Variants in PI4KA observed in about 807,000 individuals in gnomAD.
PI4KA encodes the protein PI4-kinase alpha.
In PI4KA, 122 loss-of-function variants were observed where a neutral mutation model predicts 271.4. The ratio of observed to expected loss-of-function variants is 0.45; its 90% CI spans 0.39 to 0.52. The LOEUF (loss-of-function observed/expected upper bound fraction) is 0.52, where lower values mean the gene tolerates loss of function less well. PI4KA is among the 20% of genes least tolerant of loss of function. PI4KA has a pLI of 0.00. For missense variants in PI4KA, 1,969 were observed against 2,769.1 expected (o/e 0.71, Z 6.48); for synonymous variants, 1,041 against 1,078.8 (o/e 0.96, Z 0.69).
At chr22:20,858,404 C>T (rs1189018341) in intron 1 of PI4KA, among the ~76,000 whole-genome samples, 166 bp downstream of exon 1, 1 of 152,066 alleles carries the variant, frequency 6.6e-6, no homozygotes, top group Non-Finnish European at 1.5e-5. Context: ...CAGCCCCTCC[C>T]ACTAGGGCCT....
Position 20,764,900 on chromosome 22 carries a change from AG to A in PI4KA, c.2624del (p.Pro875LeufsTer28), listed in dbSNP as rs747391554. On this transcript the variant is annotated frameshift_variant, in exon 22 of 55. Transcript: ENST00000255882. LOFTEE classifies it high-confidence loss of function. The stretch of plus-strand genomic sequence containing the variant: ...TGTTGATGAGTGCGGACACCTCGGG[AG>A]GGGGGTCCAGCAGGTTGATGATAGT... ...RSTIINLLDP[P>X]PEVSALINKL... 1.2e-6 allele frequency: 2 copies of A among 1,613,262 alleles called. No homozygotes were observed. The highest frequency in any genetic ancestry group is 1.7e-6 in the Non-Finnish European group (2 of 1,179,498).
intron 1 of PI4KA, among the ~76,000 whole-genome samples, chr22:20,842,338 A>T (rs542482972): frequency 1.3e-5 from 2 of 152,330 alleles, no homozygotes; most frequent in South Asian, 4.1e-4. Context: ...CCAGTGAAAC[A>T]CAGGTTGTGT....
intron 1 of PI4KA, among the ~76,000 whole-genome samples, chr22:20,848,005 G>A (rs1428368252): frequency 6.6e-6 from 1 of 152,038 alleles, no homozygotes; most frequent in African/African-American, 2.4e-5. Flanking sequence ...TGAGGGGCCA[G>A]GGTGGGTGGA....
chr22:20,723,993 C>G (rs542788038), intron 42 of PI4KA, among the ~76,000 whole-genome samples: 3 of 151,840 alleles, frequency 2.0e-5, no homozygotes, highest in African/African-American at 7.2e-5. Context: ...CTCCCGCCAT[C>G]ACACCTGGCT....
At chr22:20,780,145 T>C in intron 19 of PI4KA, 1 of 1,614,232 alleles carries the variant, frequency 6.2e-7, no homozygotes, top group Non-Finnish European at 8.5e-7. Context: ...AAAGATGCTC[T>C]GGAGAATATA....
At chr22:20,759,402 CTTTTTTTTT>C (rs886192073) in intron 23 of PI4KA, among the ~76,000 whole-genome samples, 8 of 102,900 alleles carry the variant, frequency 7.8e-5, no homozygotes, top group East Asian at 6.3e-4. Context: ...CTTTTCTTTT[CTTTTTTTTT>C]TTTTTTTTTT....
In PI4KA at chr22:20,840,702, T is replaced by C. The variant is rs1253433260; in HGVS notation, c.157-1971A>G. ...GGACAGGATATGGGAGAGATTACTTTAGTTGCCTCTTTACCACACTAGAAA... is the reference window on the plus strand; with the variant it reads ...GGACAGGATATGGGAGAGATTACTTCAGTTGCCTCTTTACCACACTAGAAA... On this transcript the variant is annotated intron_variant, in intron 1 of 54. Coordinates refer to ENST00000255882, the MANE Select transcript of PI4KA (RefSeq NM_058004.4). 2.0e-5 allele frequency among the ~76,000 whole-genome samples: 3 copies of C among 152,162 alleles called. No homozygotes were observed. In the East Asian group the frequency reaches 5.8e-4, roughly 29 times the overall value.
intron 19 of PI4KA, among the ~76,000 whole-genome samples, chr22:20,788,337 T>C (rs995663510): frequency 1.3e-5 from 2 of 152,136 alleles, no homozygotes; most frequent in Non-Finnish European, 2.9e-5. Context: ...ATGAGACCAA[T>C]ACCAGTAAGA....
intron 32 of PI4KA, among the ~76,000 whole-genome samples, chr22:20,740,892 G>A (rs918017832): frequency 2.0e-5 from 3 of 152,222 alleles, no homozygotes; most frequent in African/African-American, 7.2e-5. Context: ...AAAGATGAAG[G>A]TGAACTAAGA....
At chr22:20,852,930 G>A (rs565278554) in intron 1 of PI4KA, among the ~76,000 whole-genome samples, 4 of 152,222 alleles carry the variant, frequency 2.6e-5, no homozygotes, top group Admixed American at 6.5e-5. Context: ...CCCTAATGCC[G>A]CAGTGCCATT....
chr22:20,784,036 A>G lies in PI4KA; in HGVS notation c.2328+9157T>C, dbSNP rs897450855. On this transcript the variant is annotated intron_variant, in intron 19 of 54. Transcript: ENST00000255882. ...ACCACAACTTCCGGCTGAATGAGAG[A>G]GAGGTAGTTAAGGTTTCCATGATGC... is the stretch of plus-strand genomic sequence containing the variant. 3.7e-6 allele frequency: 6 copies of G among 1,614,010 alleles called. No homozygotes were observed. The African/African-American group carries it at 4.0e-5, about 11-fold the overall frequency.
At chr22:20,792,262 T>C (rs1010784508) in intron 19 of PI4KA, among the ~76,000 whole-genome samples, 1 of 152,028 alleles carries the variant, frequency 6.6e-6, no homozygotes, top group Non-Finnish European at 1.5e-5. Flanking sequence ...AGTCCCCAGG[T>C]TGGGAATAAT....
intron 4 of PI4KA, among the ~76,000 whole-genome samples, chr22:20,822,176 C>G (rs139362448): frequency 0.02 from 3,005 of 152,112 alleles, 47 homozygotes; most frequent in Non-Finnish European, 0.029. Context: ...TCCTAAGTAG[C>G]TGGGATTACA....
chr22:20,833,729 G>A (rs9608447), intron 3 of PI4KA, among the ~76,000 whole-genome samples: 96 of 147,396 alleles, frequency 6.5e-4, no homozygotes, highest in Non-Finnish European at 1.1e-3. Flanking sequence ...AGCATATCTC[G>A]GCTCACTGCA....
chr22:20,730,125 C>G, intron 36 of PI4KA, 114 bp from the exon 37 acceptor site: 1 of 1,175,910 alleles, frequency 8.5e-7, no homozygotes, highest in Non-Finnish European at 1.2e-6. Flanking sequence ...CAGGCATTTT[C>G]TGGAGTCCTG....
intron 7 of PI4KA, among the ~76,000 whole-genome samples, chr22:20,814,398 T>C (rs34872687): frequency 0.068 from 10,302 of 152,222 alleles, 478 homozygotes; most frequent in Non-Finnish European, 0.1. Flanking sequence ...TTGAGATGAA[T>C]TGTAGTGATA....
At position 20,786,961 on chromosome 22, in the gene PI4KA, C is replaced by T. The variant is rs143886146; in HGVS notation, c.2328+6232G>A. The T allele has an allele frequency of 5.1e-5, 82 of 1,614,052 alleles. No homozygotes were observed. The Middle Eastern group carries it at 1.5e-3, about 29-fold the overall frequency. On this transcript the variant is annotated intron_variant, in intron 19 of 54. Transcript: ENST00000255882. ...CGGTGGGGTTCATGCCGCTGTCCACCCAAGTCCGCTTCACTGTCGACCGCC... is the reference window on the plus strand; with the variant it reads ...CGGTGGGGTTCATGCCGCTGTCCACTCAAGTCCGCTTCACTGTCGACCGCC...
At position 20,753,146 on chromosome 22, in the gene PI4KA, T is replaced by C. The variant is rs372215529; in HGVS notation, c.2826A>G (p.Lys942=). 5.3e-5 allele frequency: 85 copies of C among 1,613,416 alleles called. 1 individual carries two copies. The highest frequency in any genetic ancestry group is 6.4e-5 in the Non-Finnish European group (76 of 1,180,038). Reference sequence around the variant, plus strand: ...TCATGTTCAGGAAGGCATCGAATACTTTGTCCGCGACTGCAATCACACACT... The same window carrying C: ...TCATGTTCAGGAAGGCATCGAATACCTTGTCCGCGACTGCAATCACACACT... ...MMQCVIAVAD[K]VFDAFLNMMA... The change falls in exon 24 of 55, where the codon AAA becomes AAG. Residue 942 remains lysine, a synonymous_variant. Transcript: ENST00000255882.
intron 36 of PI4KA, 69 bp downstream of exon 36, chr22:20,732,902 C>T (rs560202297): frequency 1.6e-5 from 25 of 1,595,638 alleles, no homozygotes; most frequent in African/African-American, 5.4e-5. Context: ...CTGGCACCCT[C>T]GGGGCAGCCC....
Sources: gnomAD v4.1 joint callset for allele counts (sites outside exome capture counted in the v4.1 genomes callset) on GRCh38, gnomAD v4.1.1 for gene constraint, MANE v1.5 for transcripts, NCBI Gene and HGNC (gene_info 2026-07-23, HGNC 2026-07-21) for gene names.